The following NKAIN3 variants were observed in gnomAD, a reference collection of about 807,000 sequenced individuals.
NKAIN3 encodes the protein sodium/potassium transporting ATPase interacting 3.
A neutral mutation model predicts 30.2 loss-of-function variants in NKAIN3; 25 were observed. The ratio of observed to expected loss-of-function variants is 0.83; its 90% CI spans 0.60 to 1.16. NKAIN3 has a LOEUF of 1.16. Ranked by LOEUF, NKAIN3 falls within the 50% of genes most tolerant of loss-of-function variation. The pLI is 0.00. For synonymous variants in NKAIN3, 91 were observed against 89.6 expected, an observed-to-expected ratio of 1.02 and a Z score of -0.09; for missense variants, 225 against 254.1, an observed-to-expected ratio of 0.89 and a Z score of 0.78.
chr8:62,846,763 G>A (rs1819701780), intron 4 of NKAIN3, among the ~76,000 whole-genome samples: 1 of 151,990 alleles, frequency 6.6e-6, no homozygotes, highest in Non-Finnish European at 1.5e-5. Context: ...TTCTCATGCT[G>A]CGAATAAAGA....
chr8:62,861,578 C>T (rs1820239737), intron 4 of NKAIN3, among the ~76,000 whole-genome samples: 1 of 152,174 alleles, frequency 6.6e-6, no homozygotes, highest in Non-Finnish European at 1.5e-5. Context: ...TATACTGTTC[C>T]TAACACAGAA....
chr8:62,853,708 C>G (rs1476386339), intron 4 of NKAIN3, among the ~76,000 whole-genome samples: 2 of 152,176 alleles, frequency 1.3e-5, no homozygotes, highest in African/African-American at 4.8e-5. Context: ...CTGTCTCCTT[C>G]AATTCAGCTC....
rs750717948 is a variant in NKAIN3, at chr8:62,981,503, C to G, written c.*16096C>G. The G allele has an allele frequency of 6.6e-6, 1 of 152,066 alleles. No homozygotes were observed. The highest frequency in any genetic ancestry group is 1.5e-5 in the Non-Finnish European group (1 of 67,990). 9.4% of individuals were successfully genotyped at this position (152,066 alleles called of 1,614,324 possible). On this transcript the variant is annotated 3_prime_UTR_variant, in exon 7 of 7. Transcript: ENST00000623646. ...TTAATATCCACATCAGTTCCTAAAG[C>G]AAAATGCCTGACACAGACTAACAAA... is the stretch of plus-strand genomic sequence containing the variant.
intron 3 of NKAIN3, among the ~76,000 whole-genome samples, chr8:62,614,866 G>A (rs1363909971): frequency 2.6e-5 from 4 of 152,090 alleles, no homozygotes; most frequent in Non-Finnish European, 4.4e-5. Context: ...AGCTTGTCAT[G>A]AATGCTTCCT....
At chr8:62,729,040 C>CAAAACAAAAA (rs1815374188) in intron 3 of NKAIN3, among the ~76,000 whole-genome samples, 2 of 61,206 alleles carry the variant, frequency 3.3e-5, no homozygotes, top group African/African-American at 1.4e-4. Flanking sequence ...AAAAAAAAAA[C>CAAAACAAAAA]AAAAAAAAAA....
chr8:62,610,736 CTTTTCCTT>C (rs1246559834), intron 3 of NKAIN3, among the ~76,000 whole-genome samples: 2 of 152,102 alleles, frequency 1.3e-5, no homozygotes, highest in African/African-American at 4.8e-5. Flanking sequence ...GCTTATTTCT[CTTTTCCTT>C]GTGTTTCCTA....
intron 3 of NKAIN3, among the ~76,000 whole-genome samples, chr8:62,719,052 A>G (rs1246977198): frequency 1.3e-5 from 2 of 152,218 alleles, no homozygotes; most frequent in African/African-American, 4.8e-5. Context: ...GGAAAGGTCC[A>G]AAGAGTAATA....
chr8:62,330,605 C>T (rs995011278), intron 1 of NKAIN3, among the ~76,000 whole-genome samples: 32 of 152,136 alleles, frequency 2.1e-4, no homozygotes, highest in South Asian at 8.3e-4. Context: ...ATCACTCAGT[C>T]GCTCCAGATG....
chr8:62,895,159 G>A (rs4504631), intron 4 of NKAIN3, among the ~76,000 whole-genome samples: 117,624 of 152,184 alleles, frequency 0.77, 46,306 homozygotes, highest in East Asian at 0.93. Flanking sequence ...AAGCCTACAC[G>A]TATATGTATT....
intron 4 of NKAIN3, among the ~76,000 whole-genome samples, chr8:62,788,186 G>C (rs373665571): frequency 2.0e-5 from 3 of 151,932 alleles, no homozygotes; most frequent in Non-Finnish European, 2.9e-5. Context: ...TCTCCACATC[G>C]TCTCCAGCAC....
chr8:62,952,258 A>C (rs1036906835), intron 5 of NKAIN3, among the ~76,000 whole-genome samples: 1 of 142,860 alleles, frequency 7.0e-6, no homozygotes, highest in Non-Finnish European at 1.5e-5. Context: ...ATATGGGTTA[A>C]AAAAAACAAA....
chr8:62,682,713 T>C (rs1813679963), intron 3 of NKAIN3, among the ~76,000 whole-genome samples: 1 of 151,912 alleles, frequency 6.6e-6, no homozygotes, highest in Non-Finnish European at 1.5e-5. Flanking sequence ...CTGCCAGCTT[T>C]CCCCCACTTC....
intron 4 of NKAIN3, among the ~76,000 whole-genome samples, chr8:62,854,184 G>T (rs1465611285): frequency 6.6e-6 from 1 of 152,138 alleles, no homozygotes; most frequent in Non-Finnish European, 1.5e-5. Context: ...TGTTGTTTTG[G>T]GGTGGAGAGT....
intron 1 of NKAIN3, among the ~76,000 whole-genome samples, chr8:62,347,412 T>C (rs1816037538): frequency 6.6e-6 from 1 of 152,190 alleles, no homozygotes; most frequent in Non-Finnish European, 1.5e-5. Context: ...TATCTTAAAA[T>C]AAGAAGATTT....
intron 1 of NKAIN3, among the ~76,000 whole-genome samples, chr8:62,454,943 G>C (rs1401656855): frequency 6.6e-6 from 1 of 152,202 alleles, no homozygotes; most frequent in Non-Finnish European, 1.5e-5. Flanking sequence ...GAATATCATT[G>C]TGATACAATT....
At chr8:62,930,454 A>G (rs1563632979) in intron 5 of NKAIN3, among the ~76,000 whole-genome samples, 2 of 151,752 alleles carry the variant, frequency 1.3e-5, no homozygotes, top group East Asian at 2.0e-4. Context: ...GGGTTTCACC[A>G]TGTTGGCCAG....
chr8:62,278,005 A>G (rs1331804118), intron 1 of NKAIN3, among the ~76,000 whole-genome samples: 2 of 152,174 alleles, frequency 1.3e-5, no homozygotes, highest in Non-Finnish European at 2.9e-5. Context: ...ATGACAAGAC[A>G]GGTATTGGAG....
rs575966159 is a variant in NKAIN3, at chr8:62,976,797, G to T, written c.*11390G>T. 6.6e-6 allele frequency among the ~76,000 whole-genome samples: 1 copy of T among 152,264 alleles called. No homozygotes were observed. The highest frequency in any genetic ancestry group is 2.1e-4 in the South Asian group (1 of 4,820). On this transcript the variant is annotated 3_prime_UTR_variant, in exon 7 of 7. Coordinates refer to ENST00000623646, the MANE Select transcript of NKAIN3 (RefSeq NM_001304533.3). ...TAGTGTCGATGGTCTTTACATTTTGGAATGTTTTTGCAGTGGCTGGTACTG... is the reference window on the plus strand; with the variant it reads ...TAGTGTCGATGGTCTTTACATTTTGTAATGTTTTTGCAGTGGCTGGTACTG...
intron 4 of NKAIN3, among the ~76,000 whole-genome samples, chr8:62,762,938 T>C (rs535194550): frequency 6.6e-6 from 1 of 152,032 alleles, no homozygotes; most frequent in East Asian, 1.9e-4. Context: ...AAACAACTTA[T>C]ATAGGCTGGG....
Sources: gnomAD v4.1 joint callset for allele counts (sites outside exome capture counted in the v4.1 genomes callset) on GRCh38, gnomAD v4.1.1 for gene constraint, MANE v1.5 for transcripts, NCBI Gene and HGNC (gene_info 2026-07-23, HGNC 2026-07-21) for gene names.